The following ARID1B variants were observed in gnomAD, a reference collection of about 807,000 sequenced individuals.
ARID1B encodes the protein AT-rich interaction domain 1B.
A neutral mutation model predicts 212.3 loss-of-function variants in ARID1B; 30 were observed. The observed-to-expected ratio is 0.14, with a 90% CI of 0.11 to 0.19. The LOEUF (loss-of-function observed/expected upper bound fraction) is 0.19. ARID1B is among the 10% of genes least tolerant of loss of function. ARID1B has a pLI of 1.00. For missense variants in ARID1B, 2,891 were observed against 3,204.0 expected (o/e 0.90, Z 2.36); for synonymous variants, 1,402 against 1,301.7 (o/e 1.08, Z -1.66).
At chr6:156,988,304 G>A (rs1344749584) in intron 4 of ARID1B, among the ~76,000 whole-genome samples, 1 of 152,182 alleles carries the variant, frequency 6.6e-6, no homozygotes, top group Non-Finnish European at 1.5e-5. Context: ...AATTTGTGTG[G>A]TGTTTCAAAG....
chr6:157,008,918 C>T (rs958053671), intron 4 of ARID1B, among the ~76,000 whole-genome samples: 2 of 152,166 alleles, frequency 1.3e-5, no homozygotes, highest in Non-Finnish European at 2.9e-5. Context: ...CAACTGCCTC[C>T]AGTGTTAAGA....
chr6:157,012,235 A>C (rs779130381), intron 4 of ARID1B, among the ~76,000 whole-genome samples: 2 of 152,242 alleles, frequency 1.3e-5, no homozygotes, highest in Non-Finnish European at 2.9e-5. Context: ...AACAGATAGA[A>C]TGGCACAGTA....
At chr6:157,049,942 T>A (rs1782482713) in intron 4 of ARID1B, among the ~76,000 whole-genome samples, 1 of 152,230 alleles carries the variant, frequency 6.6e-6, no homozygotes, top group Admixed American at 6.5e-5. Context: ...CTGCACTTCA[T>A]ATCATCATGA....
intron 4 of ARID1B, chr6:156,939,096 G>A (rs1000521089): frequency 1.3e-5 from 2 of 152,116 alleles, no homozygotes; most frequent in Admixed American, 1.3e-4. Context: ...GCATTTCCCT[G>A]TTTAGTTGTA....
chr6:156,858,045 A>G (rs1173640868), intron 2 of ARID1B, among the ~76,000 whole-genome samples: 1 of 152,268 alleles, frequency 6.6e-6, no homozygotes, highest in Non-Finnish European at 1.5e-5. Flanking sequence ...ATTCAGCCAT[A>G]GTAGAGAATG....
intron 3 of ARID1B, among the ~76,000 whole-genome samples, chr6:156,913,222 T>TC (rs1380763820): frequency 4.0e-5 from 6 of 149,310 alleles, no homozygotes; most frequent in Admixed American, 3.3e-4. Flanking sequence ...TTTTTCTTTT[T>TC]TTTTTTTTTT....
At chr6:156,945,491 T>C (rs1413590131) in intron 4 of ARID1B, among the ~76,000 whole-genome samples, 4 of 151,862 alleles carry the variant, frequency 2.6e-5, no homozygotes, top group Non-Finnish European at 2.9e-5. Flanking sequence ...CACCTGTGCC[T>C]GCAGATTCTT....
intron 6 of ARID1B, among the ~76,000 whole-genome samples, chr6:157,115,480 G>A (rs929392039): frequency 1.3e-5 from 2 of 152,224 alleles, no homozygotes; most frequent in Non-Finnish European, 2.9e-5. Context: ...AGGCTGGAGT[G>A]CAGTGGCGCA....
At chr6:157,039,693 CCTT>C (rs1562569301) in intron 4 of ARID1B, among the ~76,000 whole-genome samples, 1 of 75,592 alleles carries the variant, frequency 1.3e-5, no homozygotes. Context: ...TTCCTTCCTT[CCTT>C]CTTTCTTTCC....
chr6:157,110,417 G>A, intron 5 of ARID1B, 55 bp from the exon 6 acceptor site: 2 of 1,509,068 alleles, frequency 1.3e-6, no homozygotes, highest in East Asian at 2.3e-5. Flanking sequence ...TTGCATGACT[G>A]CATTATTAAT....
intron 4 of ARID1B, among the ~76,000 whole-genome samples, chr6:157,078,767 C>T (rs1784454607): frequency 6.6e-6 from 1 of 152,132 alleles, no homozygotes; most frequent in Non-Finnish European, 1.5e-5. Flanking sequence ...AAATGGTATG[C>T]CTAACTCAGA....
intron 15 of ARID1B, chr6:157,195,326 T>A (rs1044638120): frequency 6.6e-6 from 1 of 152,254 alleles, no homozygotes; most frequent in Non-Finnish European, 1.5e-5. Flanking sequence ...TGCTTGTGTT[T>A]GTGAGGCTGC....
intron 4 of ARID1B, among the ~76,000 whole-genome samples, chr6:156,982,026 CTTT>C (rs547017193): frequency 7.0e-6 from 1 of 142,648 alleles, no homozygotes; most frequent in East Asian, 2.0e-4. Context: ...TGGGATGTCT[CTTT>C]TTTTTTTTTT....
intron 3 of ARID1B, among the ~76,000 whole-genome samples, chr6:156,904,255 C>T (rs1247779540): frequency 6.6e-6 from 1 of 152,084 alleles, no homozygotes; most frequent in Non-Finnish European, 1.5e-5. Context: ...TTTTTTTCCT[C>T]ATCCCCTTCT....
chr6:156,895,752 ACACC>A (rs1788331443), intron 2 of ARID1B, among the ~76,000 whole-genome samples: 1 of 151,466 alleles, frequency 6.6e-6, no homozygotes, highest in African/African-American at 2.4e-5. Context: ...ACACACACAC[ACACC>A]CACATACACA....
chr6:156,827,475 G>C (rs1226677315), intron 1 of ARID1B, among the ~76,000 whole-genome samples: 1 of 152,232 alleles, frequency 6.6e-6, no homozygotes, highest in Non-Finnish European at 1.5e-5. Context: ...CTTCCAGCTG[G>C]GTCAGGTGCC....
intron 6 of ARID1B, among the ~76,000 whole-genome samples, chr6:157,130,555 A>G (rs1035940348): frequency 1.3e-5 from 2 of 152,208 alleles, no homozygotes; most frequent in Non-Finnish European, 2.9e-5. Context: ...ATTGAGCCCA[A>G]TTTCATAAGG....
chr6:157,056,220 T>C (rs1782945296), intron 4 of ARID1B, among the ~76,000 whole-genome samples: 1 of 152,186 alleles, frequency 6.6e-6, no homozygotes, highest in South Asian at 2.1e-4. Flanking sequence ...ATCTTAAAAA[T>C]CTGCCTCCCA....
intron 4 of ARID1B, among the ~76,000 whole-genome samples, chr6:157,001,716 A>T (rs1437462948): frequency 1.3e-5 from 2 of 152,260 alleles, no homozygotes; most frequent in African/African-American, 4.8e-5. Context: ...TCCTGGGCTT[A>T]TAAGCATTTA....
Sources: gnomAD v4.1 joint callset for allele counts (sites outside exome capture counted in the v4.1 genomes callset) on GRCh38, gnomAD v4.1.1 for gene constraint, MANE v1.5 for transcripts, NCBI Gene and HGNC (gene_info 2026-07-23, HGNC 2026-07-21) for gene names.